The following SLC2A13 variants were observed in gnomAD, a reference collection of about 807,000 sequenced individuals.
The protein encoded by SLC2A13 is proton myo-inositol cotransporter.
In SLC2A13, 32 loss-of-function variants were observed where a neutral mutation model predicts 64.4. The observed-to-expected ratio is 0.50, with a 90% CI of 0.37 to 0.67. The LOEUF is 0.67. Among genes scored for constraint, SLC2A13 ranks in the 30% least tolerant of loss-of-function variants. The pLI, the probability that SLC2A13 is intolerant of heterozygous loss-of-function variation, is 0.00. For synonymous variants in SLC2A13, 338 were observed against 327.1 expected (o/e 1.03, Z -0.36); for missense variants, 743 against 829.2 (o/e 0.90, Z 1.28).
intron 7 of SLC2A13, among the ~76,000 whole-genome samples, chr12:39,817,966 T>G (rs936980146): frequency 2.6e-5 from 4 of 152,230 alleles, no homozygotes; most frequent in Non-Finnish European, 5.9e-5. Flanking sequence ...TTTTTCTTCA[T>G]TCTATTTTGT....
chr12:39,843,132 G>A (rs1943219441), intron 6 of SLC2A13, among the ~76,000 whole-genome samples: 2 of 151,914 alleles, frequency 1.3e-5, no homozygotes, highest in Non-Finnish European at 2.9e-5. Flanking sequence ...TTGGGTATAT[G>A]CCCAAGGGTG....
In SLC2A13 at chr12:40,105,628, C is replaced by T. The variant is rs1480651884; in HGVS notation, c.181G>A (p.Val61Ile). 1 of 1,484,398 alleles carries T rather than the reference C, an allele frequency of 6.7e-7. No homozygotes were observed. Among genetic ancestry groups the T allele is most frequent in the Non-Finnish European group, 8.9e-7 (1 of 1,121,288 alleles). 92.0% of individuals were successfully genotyped at this position (1,484,398 alleles called of 1,614,324 possible). A position where few individuals can be genotyped will look rare whatever the true frequency, so the allele number is the denominator to read the frequency against. ...CGCGCCGCGCGCTCCAGGTCCCCGA[C>T]GCCGCCGCCGCCCGCGCCCGCGCTC... ...LQSAGAGGGG[V>I]GDLERAARRQ... Residue 61 changes from valine to isoleucine, a missense_variant, in exon 1 of 10, where the codon GTC (valine) becomes ATC (isoleucine). This residue lies in a region of SLC2A13 where 448 missense variants were observed against 447.4 expected (regional missense o/e 1.00). Transcript: ENST00000280871. This position sits in a 1 kb window ranked among gnomAD's most constrained non-coding sequence, Gnocchi z 4.2.
chr12:39,988,667 GAGGGAGGGAAGA>G (rs1186624976), intron 3 of SLC2A13, among the ~76,000 whole-genome samples: 3 of 116,236 alleles, frequency 2.6e-5, no homozygotes, highest in South Asian at 3.8e-4. Context: ...AGGAGGGAGG[GAGGGAGGGAAGA>G]AGGGAGGGAG....
chr12:39,991,125 C>A (rs1947131788), intron 3 of SLC2A13, among the ~76,000 whole-genome samples: 1 of 152,184 alleles, frequency 6.6e-6, no homozygotes. Context: ...CGGAGTTCAA[C>A]CATGAAAGAC....
At chr12:40,073,815 T>C (rs1314923368) in intron 1 of SLC2A13, among the ~76,000 whole-genome samples, 2 of 152,008 alleles carry the variant, frequency 1.3e-5, no homozygotes, top group African/African-American at 4.8e-5. Context: ...TTCAGGATTT[T>C]TACCTTTGAT....
chr12:40,090,310 A>G (rs939115133), intron 1 of SLC2A13, among the ~76,000 whole-genome samples: 2 of 152,194 alleles, frequency 1.3e-5, no homozygotes, highest in Non-Finnish European at 2.9e-5. Flanking sequence ...ATGTTTATTC[A>G]TCTTAATTCC....
chr12:39,795,334 AATTT>A (rs1296603413), intron 7 of SLC2A13, among the ~76,000 whole-genome samples: 3 of 152,104 alleles, frequency 2.0e-5, no homozygotes, highest in African/African-American at 7.2e-5. Flanking sequence ...TTTTAAACTT[AATTT>A]ATCATATATT....
At chr12:39,941,197 T>C (rs1315955380) in intron 4 of SLC2A13, among the ~76,000 whole-genome samples, 1 of 152,136 alleles carries the variant, frequency 6.6e-6, no homozygotes, top group South Asian at 2.1e-4. Context: ...GTTGGTCCCA[T>C]GACTTTGCAA....
chr12:39,978,540 C>T (rs929563221), intron 3 of SLC2A13, among the ~76,000 whole-genome samples: 1 of 152,180 alleles, frequency 6.6e-6, no homozygotes, highest in Non-Finnish European at 1.5e-5. Flanking sequence ...AGTTCCCTTT[C>T]GGAGTCAAAG....
At chr12:40,022,537 C>T (rs1947736541) in intron 3 of SLC2A13, among the ~76,000 whole-genome samples, 2 of 152,282 alleles carry the variant, frequency 1.3e-5, no homozygotes, top group Non-Finnish European at 2.9e-5. Context: ...GTAATATTAA[C>T]TGTAAAACAA....
At chr12:40,065,907 AG>A (rs754327024) in intron 1 of SLC2A13, among the ~76,000 whole-genome samples, 22 of 152,224 alleles carry the variant, frequency 1.4e-4, no homozygotes, top group Non-Finnish European at 2.8e-4. Flanking sequence ...TAACATCACA[AG>A]TGTGACAAAA....
intron 4 of SLC2A13, among the ~76,000 whole-genome samples, chr12:39,900,162 A>G (rs1945046873): frequency 6.6e-6 from 1 of 151,394 alleles, no homozygotes; most frequent in Admixed American, 6.6e-5. Flanking sequence ...AAAAACTCTC[A>G]GTAAATTAGG....
At chr12:39,883,808 T>A (rs1219664850) in intron 4 of SLC2A13, among the ~76,000 whole-genome samples, 1 of 152,188 alleles carries the variant, frequency 6.6e-6, no homozygotes, top group East Asian at 1.9e-4. Context: ...TCTGAATCTC[T>A]ACGGAATCAC....
chr12:39,937,269 A>G (rs145536126), intron 4 of SLC2A13, among the ~76,000 whole-genome samples: 48 of 152,310 alleles, frequency 3.2e-4, no homozygotes, highest in African/African-American at 1.1e-3. Flanking sequence ...TTTTAAAGAT[A>G]AGCAAAAGAG....
chr12:39,946,321 T>G (rs1201142411), intron 4 of SLC2A13, among the ~76,000 whole-genome samples: 1 of 152,234 alleles, frequency 6.6e-6, no homozygotes, highest in Non-Finnish European at 1.5e-5. Context: ...TAACGCTCTA[T>G]TTTTGTGCTG....
intron 9 of SLC2A13, among the ~76,000 whole-genome samples, chr12:39,763,651 T>C (rs904531156): frequency 6.6e-6 from 1 of 152,064 alleles, no homozygotes; most frequent in Non-Finnish European, 1.5e-5. Context: ...GAAGCTCTTC[T>C]GGGAGAATGG....
At chr12:40,078,561 G>A (rs2136280159) in intron 1 of SLC2A13, among the ~76,000 whole-genome samples, 1 of 152,216 alleles carries the variant, frequency 6.6e-6, no homozygotes, top group South Asian at 2.1e-4. Context: ...AAGGATTTTT[G>A]TGTCTGTGTT....
At chr12:40,055,448 G>A (rs1389385779) in intron 1 of SLC2A13, among the ~76,000 whole-genome samples, 1 of 152,168 alleles carries the variant, frequency 6.6e-6, no homozygotes, top group Non-Finnish European at 1.5e-5. Context: ...TAACATCCCA[G>A]TAGAGCCTGT....
At chr12:39,984,344 T>G (rs572455160) in intron 3 of SLC2A13, among the ~76,000 whole-genome samples, 111 of 152,010 alleles carry the variant, frequency 7.3e-4, no homozygotes, top group African/African-American at 2.7e-3. Context: ...AAAAAAGTGC[T>G]TATAAAATAT....
Sources: allele counts gnomAD v4.1 joint callset (sites outside exome capture counted in the v4.1 genomes callset), GRCh38; gene constraint gnomAD v4.1.1; regional missense constraint gnomAD v4.1.1; non-coding constraint Gnocchi (gnomAD v3.1); transcripts MANE v1.5; gene names NCBI Gene and HGNC (gene_info 2026-07-23, HGNC 2026-07-21).